The following FIGN variants were observed in gnomAD, a reference collection of about 807,000 sequenced individuals.
FIGN encodes fidgetin, microtubule severing factor.
A neutral mutation model predicts 51.3 loss-of-function variants in FIGN; 11 were observed. The observed-to-expected ratio is 0.21, with a 90% CI of 0.13 to 0.35. The LOEUF is 0.35. Among genes scored for constraint, FIGN ranks in the 10% least tolerant of loss-of-function variants. FIGN has a pLI of 1.00. For missense variants in FIGN, 857 were observed against 943.6 expected (o/e 0.91, Z 1.20); for synonymous variants, 407 against 363.2 (o/e 1.12, Z -1.37).
intron 2 of FIGN, among the ~76,000 whole-genome samples, chr2:163,714,039 C>T (rs1353358399): frequency 2.0e-5 from 3 of 152,130 alleles, no homozygotes; most frequent in Non-Finnish European, 4.4e-5. Context: ...CAGCGGCTCA[C>T]GGGGTCCACA....
chr2:163,648,985 T>C (rs1304149400), intron 2 of FIGN, among the ~76,000 whole-genome samples: 1 of 152,204 alleles, frequency 6.6e-6, no homozygotes, highest in Admixed American at 6.5e-5. Context: ...AAACAAATCC[T>C]ATATAAAAAC....
At chr2:163,674,952 C>T (rs566872592) in intron 2 of FIGN, among the ~76,000 whole-genome samples, 1 of 152,272 alleles carries the variant, frequency 6.6e-6, no homozygotes, top group Admixed American at 6.5e-5. Context: ...TTAGAATCTA[C>T]TAGCTCTGAC....
At chr2:163,721,507 A>G (rs1407441022) in intron 2 of FIGN, among the ~76,000 whole-genome samples, 2 of 152,302 alleles carry the variant, frequency 1.3e-5, no homozygotes, top group South Asian at 2.1e-4. Context: ...TTGTTTCACA[A>G]TCTTTATTAT....
chr2:163,679,110 T>C (rs1003200324), intron 2 of FIGN, among the ~76,000 whole-genome samples: 27 of 152,188 alleles, frequency 1.8e-4, no homozygotes, highest in African/African-American at 6.3e-4. Context: ...AAGTTGATCA[T>C]TATAAATATT....
chr2:163,623,673 C>T (rs569990529), intron 2 of FIGN, among the ~76,000 whole-genome samples: 14 of 152,058 alleles, frequency 9.2e-5, no homozygotes, highest in Non-Finnish European at 1.8e-4. Flanking sequence ...TTAAAAGCAC[C>T]AGAATGCCTA....
rs760247376 is a variant in FIGN, at chr2:163,611,004, A to G, written c.828T>C (p.Pro276=). The change falls in exon 3 of 3, where the codon CCT becomes CCC. Residue 276 remains proline (P), a synonymous_variant. Transcript: ENST00000333129. ...GGGGGGTGGGAGCAGGAATTCCTGAAGGCAGGTACGCTGAAGGCGGAGGCG... is the reference window on the plus strand; with the variant it reads ...GGGGGGTGGGAGCAGGAATTCCTGAGGGCAGGTACGCTGAAGGCGGAGGCG... ...GAPPPPSAYL[P]SGIPAPTPLP... 1 of 1,613,832 alleles carries G rather than the reference A, an allele frequency of 6.2e-7. No individual in the cohort carries two copies. Among genetic ancestry groups the G allele is most frequent in the South Asian group, 1.1e-5 (1 of 91,086 alleles).
chr2:163,710,628 T>C (rs2105356357), intron 2 of FIGN, among the ~76,000 whole-genome samples: 1 of 152,346 alleles, frequency 6.6e-6, no homozygotes, highest in Non-Finnish European at 1.5e-5. Context: ...TTGTGCTGCC[T>C]GACTATGACA....
chr2:163,650,023 C>T (rs1344355735), intron 2 of FIGN, among the ~76,000 whole-genome samples: 3 of 152,096 alleles, frequency 2.0e-5, no homozygotes, highest in Non-Finnish European at 4.4e-5. Context: ...TAGATGCGCT[C>T]ATCCCATTAC....
intron 2 of FIGN, among the ~76,000 whole-genome samples, chr2:163,678,839 C>T (rs1684013726): frequency 6.6e-6 from 1 of 151,986 alleles, no homozygotes. Flanking sequence ...AAGAATCAAC[C>T]CAACAATAAT....
At chr2:163,654,058 G>C (rs181948643) in intron 2 of FIGN, among the ~76,000 whole-genome samples, 27 of 152,226 alleles carry the variant, frequency 1.8e-4, no homozygotes, top group Admixed American at 1.6e-3. Context: ...GAAGAAGTGA[G>C]AATCTGGCTT....
chr2:163,614,304 T>C (rs914681353), intron 2 of FIGN, among the ~76,000 whole-genome samples: 1 of 152,122 alleles, frequency 6.6e-6, no homozygotes. Flanking sequence ...AATCATACTT[T>C]CATTAAATTC....
At chr2:163,717,116 A>G (rs752162700) in intron 2 of FIGN, among the ~76,000 whole-genome samples, 14 of 152,196 alleles carry the variant, frequency 9.2e-5, no homozygotes, top group African/African-American at 3.1e-4. Context: ...TCTAAAATGC[A>G]TGATAAAAAG....
intron 2 of FIGN, among the ~76,000 whole-genome samples, chr2:163,713,003 C>T (rs570629099): frequency 6.6e-6 from 1 of 152,208 alleles, no homozygotes; most frequent in South Asian, 2.1e-4. Flanking sequence ...GAGATTCAGT[C>T]ACATGAATAA....
intron 2 of FIGN, among the ~76,000 whole-genome samples, chr2:163,654,968 T>A (rs1216512302): frequency 6.6e-6 from 1 of 152,218 alleles, no homozygotes; most frequent in Non-Finnish European, 1.5e-5. Context: ...CAGCCCGGGA[T>A]GGGAAGTTGA....
intron 2 of FIGN, among the ~76,000 whole-genome samples, chr2:163,663,218 GC>G: frequency 6.6e-6 from 1 of 151,574 alleles, no homozygotes; most frequent in Non-Finnish European, 1.5e-5. Flanking sequence ...ACCGCACCTG[GC>G]CTAAAAAATA....
chr2:163,715,308 G>A (rs1294453571), intron 2 of FIGN, among the ~76,000 whole-genome samples: 10 of 152,160 alleles, frequency 6.6e-5, no homozygotes, highest in Non-Finnish European at 1.3e-4. Context: ...TCCCAGCCCT[G>A]CCTCCAGGAG....
chr2:163,640,211 ATG>A (rs1433468017), intron 2 of FIGN, among the ~76,000 whole-genome samples: 1 of 152,236 alleles, frequency 6.6e-6, no homozygotes, highest in Non-Finnish European at 1.5e-5. Flanking sequence ...AAAAATTAAC[ATG>A]TTTAATCAAG....
At chr2:163,694,508 G>A (rs888380963) in intron 2 of FIGN, among the ~76,000 whole-genome samples, 1 of 152,128 alleles carries the variant, frequency 6.6e-6, no homozygotes, top group Non-Finnish European at 1.5e-5. Context: ...AGGGATGCAG[G>A]GAACTGCCTT....
chr2:163,664,793 G>T (rs1683746566), intron 2 of FIGN, among the ~76,000 whole-genome samples: 1 of 152,214 alleles, frequency 6.6e-6, no homozygotes, highest in Admixed American at 6.5e-5. Context: ...ACAAGCAACA[G>T]ATTTCCTTCA....
Sources: allele counts gnomAD v4.1 joint callset (sites outside exome capture counted in the v4.1 genomes callset), GRCh38; gene constraint gnomAD v4.1.1; transcripts MANE v1.5; gene names NCBI Gene and HGNC (gene_info 2026-07-23, HGNC 2026-07-21).